PRKN: variants seen among roughly 807,000 people sequenced by gnomAD.
PRKN encodes the protein parkin RBR E3 ubiquitin protein ligase.
In PRKN, 56 loss-of-function variants were observed where a neutral mutation model predicts 59.5. The ratio of observed to expected loss-of-function variants is 0.94; its 90% confidence interval spans 0.76 to 1.18. The LOEUF (loss-of-function observed/expected upper bound fraction) is 1.18, where lower values mean the gene tolerates loss of function less well. PRKN is among the 50% of genes most tolerant of loss of function. The pLI is 0.00. For synonymous variants in PRKN, 250 were observed against 222.1 expected (o/e 1.13, Z -1.12); for missense variants, 657 against 596.4 (o/e 1.10, Z -1.06).
intron 6 of PRKN, among the ~76,000 whole-genome samples, chr6:161,823,861 T>C (rs1792135668): frequency 6.6e-6 from 1 of 152,298 alleles, no homozygotes; most frequent in Non-Finnish European, 1.5e-5. Flanking sequence ...CACATGGCTA[T>C]GTATTCCCCA....
At chr6:162,023,419 G>C (rs190342615) in intron 5 of PRKN, among the ~76,000 whole-genome samples, 3,406 of 152,250 alleles carry the variant, frequency 0.022, 132 homozygotes, top group African/African-American at 0.077. Flanking sequence ...AGCTGATGGG[G>C]CAGCAAGAAG....
chr6:161,868,597 A>G (rs993502598), intron 6 of PRKN, among the ~76,000 whole-genome samples: 2 of 145,660 alleles, frequency 1.4e-5, no homozygotes, highest in Non-Finnish European at 2.9e-5. Flanking sequence ...AAAACAAAAC[A>G]AACAAAAGGA....
chr6:161,459,668 C>T lies in PRKN; in HGVS notation c.1084-72791G>A, dbSNP rs532593181. Among the ~76,000 whole-genome samples, 8 of 152,284 alleles carry T rather than the reference C, an allele frequency of 5.3e-5. No individual in the cohort carries two copies. Among genetic ancestry groups the T allele is most frequent in the East Asian group, 1.9e-4 (1 of 5,182 alleles). On this transcript the variant is annotated intron_variant, in intron 9 of 11. Transcript: ENST00000366898. The surrounding 1 kb of genome is among the most constrained non-coding windows in gnomAD (Gnocchi z 4.8). Reference sequence around the variant, plus strand: ...CAAGCTATTTTCCCGTTTTTCTCATCGCTGTTTAGAGGTTTCCACTTATAT... The same window carrying T: ...CAAGCTATTTTCCCGTTTTTCTCATTGCTGTTTAGAGGTTTCCACTTATAT...
At chr6:162,363,796 T>C (rs1785277347) in intron 2 of PRKN, among the ~76,000 whole-genome samples, 1 of 152,224 alleles carries the variant, frequency 6.6e-6, no homozygotes, top group South Asian at 2.1e-4. Context: ...TACATCTTGC[T>C]GGACTTGCCA....
intron 1 of PRKN, among the ~76,000 whole-genome samples, chr6:162,579,592 C>A (rs1381546046): frequency 1.3e-5 from 2 of 151,646 alleles, no homozygotes; most frequent in Non-Finnish European, 2.9e-5. Flanking sequence ...CAAGTTCACA[C>A]GTGCACAGAT....
chr6:162,625,839 C>T (rs1484750121), intron 1 of PRKN, among the ~76,000 whole-genome samples: 2 of 152,068 alleles, frequency 1.3e-5, no homozygotes, highest in Non-Finnish European at 2.9e-5. Flanking sequence ...ATCTCTACAT[C>T]CCCATGAAGA....
At chr6:162,068,970 T>C (rs112021195) in intron 4 of PRKN, among the ~76,000 whole-genome samples, 29 of 152,188 alleles carry the variant, frequency 1.9e-4, no homozygotes, top group African/African-American at 5.8e-4. Flanking sequence ...ACTCAGGCTA[T>C]TTTTCAAAAA....
At chr6:162,505,762 A>C (rs541661673) in intron 1 of PRKN, among the ~76,000 whole-genome samples, 1 of 151,326 alleles carries the variant, frequency 6.6e-6, no homozygotes, top group South Asian at 2.1e-4. Context: ...GATTTACTTG[A>C]CAAAATGATA....
intron 1 of PRKN, among the ~76,000 whole-genome samples, chr6:162,467,479 A>C (rs9458564): frequency 1.3e-5 from 2 of 152,156 alleles, no homozygotes; most frequent in African/African-American, 2.4e-5. Context: ...GCTCATGATA[A>C]AAATTTAGCG....
In PRKN at chr6:161,740,652, T is replaced by C. The variant is rs1422736983; in HGVS notation, c.871+45120A>G. Among the ~76,000 whole-genome samples, 3 of 152,246 alleles carry C rather than the reference T, an allele frequency of 2.0e-5. No individual in the cohort carries two copies. The East Asian group carries it at 5.8e-4, about 29-fold the overall frequency. ...TCAAGTTCGGGTTTTACAACTGTAATGAACGGCTGACACTTGGGCAGGCAG... is the reference window on the plus strand; with the variant it reads ...TCAAGTTCGGGTTTTACAACTGTAACGAACGGCTGACACTTGGGCAGGCAG... On this transcript the variant is annotated intron_variant, in intron 7 of 11. Transcript: ENST00000366898.
At chr6:162,434,192 A>G (rs1789665654) in intron 2 of PRKN, among the ~76,000 whole-genome samples, 1 of 152,194 alleles carries the variant, frequency 6.6e-6, no homozygotes, top group Non-Finnish European at 1.5e-5. Context: ...GTGAAGACAT[A>G]TATGTACAAA....
rs561652029 is a variant in PRKN at position 162,420,286 on chromosome 6, A to G, written c.171+23024T>C. On this transcript the variant is annotated intron_variant, in intron 2 of 11. Transcript: ENST00000366898. The stretch of plus-strand genomic sequence containing the variant: ...GCGGGGAGGGGGGACTCCTGGTGTA[A>G]AGCATTATGTTTAAAATACCATAGC... Among the ~76,000 whole-genome samples the G allele has an allele frequency of 8.6e-5, 13 of 152,024 alleles. No homozygotes were observed. In the South Asian group the frequency reaches 2.7e-3, roughly 32 times the overall value.
intron 9 of PRKN, among the ~76,000 whole-genome samples, chr6:161,513,750 T>C (rs1778486089): frequency 6.6e-6 from 1 of 152,092 alleles, no homozygotes; most frequent in African/African-American, 2.4e-5. Flanking sequence ...GTAAGACATC[T>C]CATGAGAAGG....
chr6:161,865,576 C>A (rs1450986761), intron 6 of PRKN, among the ~76,000 whole-genome samples: 1 of 152,204 alleles, frequency 6.6e-6, no homozygotes. Context: ...CTTGCTGCTT[C>A]ACCTTGAACT....
At chr6:161,942,735 T>C (rs1335075155) in intron 6 of PRKN, among the ~76,000 whole-genome samples, 3 of 152,138 alleles carry the variant, frequency 2.0e-5, no homozygotes, top group African/African-American at 7.2e-5. Context: ...GAGAAGACTG[T>C]TCATATCATT....
intron 1 of PRKN, among the ~76,000 whole-genome samples, chr6:162,509,999 C>T (rs1463950955): frequency 3.3e-5 from 5 of 152,152 alleles, no homozygotes; most frequent in African/African-American, 1.2e-4. Flanking sequence ...TGCAACAAAT[C>T]TCCACAGCAG....
intron 1 of PRKN, among the ~76,000 whole-genome samples, chr6:162,599,045 G>A (rs2128216137): frequency 6.6e-6 from 1 of 152,118 alleles, no homozygotes; most frequent in South Asian, 2.1e-4. Context: ...ATTATTTTAT[G>A]AGGTCCCAGT....
intron 8 of PRKN, among the ~76,000 whole-genome samples, chr6:161,568,336 G>A (rs1450996168): frequency 2.0e-5 from 3 of 152,226 alleles, no homozygotes; most frequent in Non-Finnish European, 4.4e-5. Context: ...GCTCACGCCT[G>A]TAATCCCAGC....
intron 7 of PRKN, among the ~76,000 whole-genome samples, chr6:161,633,907 T>C (rs1475334701): frequency 6.6e-6 from 1 of 151,822 alleles, no homozygotes; most frequent in Admixed American, 6.6e-5. Flanking sequence ...GTCAGACGAA[T>C]TAAAATGATT....
Sources: allele counts gnomAD v4.1 joint callset (sites outside exome capture counted in the v4.1 genomes callset), GRCh38; gene constraint gnomAD v4.1.1; non-coding constraint Gnocchi (gnomAD v3.1); transcripts MANE v1.5; gene names NCBI Gene and HGNC (gene_info 2026-07-23, HGNC 2026-07-21).